The following ZNF714 variants were observed in gnomAD, a reference collection of about 807,000 sequenced individuals.
ZNF714 encodes the protein zinc finger protein 714.
Under a neutral mutation model 46.2 loss-of-function variants are expected in ZNF714, and 32 were observed. That is an observed-to-expected ratio of 0.69 (90% CI 0.52 to 0.93). The LOEUF is 0.93. ZNF714 is among the 40% of genes least tolerant of loss of function. The pLI, the probability that ZNF714 is intolerant of heterozygous loss-of-function variation, is 0.00. For synonymous variants in ZNF714, 199 were observed against 213.1 expected, an observed-to-expected ratio of 0.93 and a Z score of 0.58; for missense variants, 635 against 646.3, an observed-to-expected ratio of 0.98 and a Z score of 0.19.
At chr19:21,101,723 G>A (rs1027258511) in intron 4 of ZNF714, among the ~76,000 whole-genome samples, 3 of 152,152 alleles carry the variant, frequency 2.0e-5, no homozygotes, top group African/African-American at 7.2e-5. Flanking sequence ...CTTCCTCCAG[G>A]TCTCTGAAAG....
In ZNF714 at chr19:21,117,638, C is replaced by A; in HGVS notation, c.974C>A (p.Ser325Tyr). 2.5e-6 allele frequency: 4 copies of A among 1,613,204 alleles called. No individual in the cohort carries two copies. The highest frequency in any genetic ancestry group is 3.4e-6 in the Non-Finnish European group (4 of 1,179,660). Residue 325 changes from serine to tyrosine, a missense_variant, in exon 5 of 5, where the codon TCT becomes TAT. Coordinates refer to ENST00000456283, the MANE Select transcript of ZNF714 (RefSeq NM_182515.4). ...CAATGTGGCAAAGGCTTTAACTGGT[C>A]TTCAACCCTTACAAAACATAAAAGA... ...CEQCGKGFNW[S>Y]STLTKHKRIH...
chr19:21,102,644 T>C lies in ZNF714; in HGVS notation c.142+3734T>C, dbSNP rs571578408. Among the ~76,000 whole-genome samples the C allele has an allele frequency of 4.6e-5, 7 of 152,332 alleles. No homozygotes were observed. In the South Asian group the frequency reaches 1.4e-3, roughly 32 times the overall value. ...CATTAGTATGTTCTATTTATAATTA[T>C]ACTGCATATTCTGTGAAATTTTACT... On this transcript the variant is annotated intron_variant, in intron 4 of 4. Coordinates refer to ENST00000456283, the MANE Select transcript of ZNF714 (RefSeq NM_182515.4).
intron 4 of ZNF714, among the ~76,000 whole-genome samples, chr19:21,108,415 A>G (rs894431205): frequency 1.3e-5 from 2 of 152,148 alleles, no homozygotes; most frequent in Non-Finnish European, 2.9e-5. Flanking sequence ...GTAATCCTCA[A>G]TGTTAGATGT....
intron 4 of ZNF714, among the ~76,000 whole-genome samples, chr19:21,112,551 T>A (rs8112500): frequency 6.7e-6 from 1 of 148,996 alleles, no homozygotes; most frequent in Non-Finnish European, 1.5e-5. Flanking sequence ...TTTTTTTGAA[T>A]GGTTTTTTTG....
intron 4 of ZNF714, among the ~76,000 whole-genome samples, chr19:21,113,512 C>CTTTTTTTTTTTT (rs35197492): frequency 7.4e-6 from 1 of 135,714 alleles, no homozygotes. Context: ...CTTTTTTCTT[C>CTTTTTTTTTTTT]TTTTTTTTTT....
intron 4 of ZNF714, among the ~76,000 whole-genome samples, chr19:21,114,635 G>A (rs1032188151): frequency 1.3e-5 from 2 of 152,084 alleles, no homozygotes; most frequent in East Asian, 3.8e-4. Context: ...GAGGCATTCA[G>A]CCTATTACAT....
intron 2 of ZNF714, among the ~76,000 whole-genome samples, chr19:21,087,726 A>G (rs1912103751): frequency 6.6e-6 from 1 of 152,202 alleles, no homozygotes; most frequent in Non-Finnish European, 1.5e-5. Flanking sequence ...CTCTTTTGCA[A>G]TTAAATTTTA....
Position 21,083,952 on chromosome 19 carries a change from A to C in ZNF714, c.-176-26A>C, listed in dbSNP as rs558594805. 3.4e-4 allele frequency: 413 copies of C among 1,225,858 alleles called. 1 individual carries two copies. In the African/African-American group the frequency reaches 6.4e-3, roughly 19 times the overall value. 75.9% of individuals were successfully genotyped at this position (1,225,858 alleles called of 1,614,324 possible). ...TCAGCTAAAGTGCCTAGTGAATATC[A>C]GCTTCTGGTTTATTTTCTTCCATAG... On this transcript the variant is annotated intron_variant, in intron 1 of 4. Coordinates refer to ENST00000456283, the MANE Select transcript of ZNF714 (RefSeq NM_182515.4).
rs1969725086 is a variant in ZNF714 at position 21,122,738 on chromosome 19, C to T, written c.*4406C>T. 6.6e-6 allele frequency: 1 copy of T among 152,158 alleles called. No homozygotes were observed. The highest frequency in any genetic ancestry group is 6.5e-5 in the Admixed American group (1 of 15,282). 9.4% of individuals were successfully genotyped at this position (152,158 alleles called of 1,614,324 possible). On this transcript the variant is annotated 3_prime_UTR_variant, in exon 5 of 5. Coordinates refer to ENST00000456283, the MANE Select transcript of ZNF714 (RefSeq NM_182515.4). ...ATAGCTACAGTTTTCTGACTGTTCT[C>T]TTCACGCCATTTCATTTCGCCTGGT...
At chr19:21,103,282 G>A (rs746973692) in intron 4 of ZNF714, among the ~76,000 whole-genome samples, 15 of 152,080 alleles carry the variant, frequency 9.9e-5, no homozygotes, top group South Asian at 2.1e-4. Context: ...GGCCTGGCTC[G>A]GTGGCTCACG....
In ZNF714 at chr19:21,114,474, C is replaced by CTTTTTT. The variant is rs1040750636; in HGVS notation, c.143-2330_143-2325dup. 3.3e-5 allele frequency among the ~76,000 whole-genome samples: 5 copies of CTTTTTT among 150,550 alleles called. No homozygotes were observed. In the South Asian group the frequency reaches 1.1e-3, roughly 32 times the overall value. ...AAAGAAACTATGATTGCAACCCCTG[C>CTTTTTT]TTTTTTTTCTGCTTTTATTTGCTTT... On this transcript the variant is annotated intron_variant, in intron 4 of 4. Transcript: ENST00000456283.
At chr19:21,097,184 T>C (rs965827869) in intron 2 of ZNF714, among the ~76,000 whole-genome samples, 4 of 152,150 alleles carry the variant, frequency 2.6e-5, no homozygotes, top group African/African-American at 9.7e-5. Flanking sequence ...ATAGCATTTA[T>C]TACCCAGGAA....
intron 2 of ZNF714, among the ~76,000 whole-genome samples, chr19:21,093,879 C>G (rs1478955821): frequency 6.6e-6 from 1 of 152,228 alleles, no homozygotes; most frequent in African/African-American, 2.4e-5. Flanking sequence ...GGTAATCCAC[C>G]TGCCTCGGCC....
rs568092865 is a variant in ZNF714 at position 21,105,526 on chromosome 19, T to C, written c.142+6616T>C. Reference sequence around the variant, plus strand: ...AGTTAAATATTTCTGTTCTTTCCTTTGTTGCATATGCATTTAATGTCGTAT... The same window carrying C: ...AGTTAAATATTTCTGTTCTTTCCTTCGTTGCATATGCATTTAATGTCGTAT... On this transcript the variant is annotated intron_variant, in intron 4 of 4. Coordinates refer to ENST00000456283, the MANE Select transcript of ZNF714 (RefSeq NM_182515.4). Among the ~76,000 whole-genome samples the C allele has an allele frequency of 2.6e-5, 4 of 152,328 alleles. No individual in the cohort carries two copies. The South Asian group carries it at 8.3e-4, about 32-fold the overall frequency.
chr19:21,083,476 C>T (rs1968704822), intron 1 of ZNF714, among the ~76,000 whole-genome samples: 1 of 152,138 alleles, frequency 6.6e-6, no homozygotes, highest in South Asian at 2.1e-4. Flanking sequence ...TTAAATCTAA[C>T]CTCCCGTCCC....
At chr19:21,116,235 T>G (rs1034727317) in intron 4 of ZNF714, among the ~76,000 whole-genome samples, 2 of 152,176 alleles carry the variant, frequency 1.3e-5, no homozygotes, top group Non-Finnish European at 2.9e-5. Flanking sequence ...TTATTTCTGC[T>G]TCATCTTAAT....
At chr19:21,097,332 A>G (rs765145878) in intron 2 of ZNF714, among the ~76,000 whole-genome samples, 25 of 152,306 alleles carry the variant, frequency 1.6e-4, no homozygotes, top group South Asian at 8.3e-4. Context: ...TTATGGTTAA[A>G]TTCAGTCTAT....
chr19:21,090,958 C>G (rs1296617196), intron 2 of ZNF714: 2 of 137,118 alleles, frequency 1.5e-5, no homozygotes, highest in Non-Finnish European at 3.0e-5. Context: ...GATCTCAGCT[C>G]ACTGCAACCT....
intron 4 of ZNF714, among the ~76,000 whole-genome samples, chr19:21,101,819 G>A (rs770430095): frequency 2.0e-5 from 3 of 152,158 alleles, no homozygotes; most frequent in Non-Finnish European, 2.9e-5. Context: ...ACCAAGTTGC[G>A]TGGGCCATTT....
Sources: gnomAD v4.1 joint callset for allele counts (sites outside exome capture counted in the v4.1 genomes callset) on GRCh38, gnomAD v4.1.1 for gene constraint, MANE v1.5 for transcripts, NCBI Gene and HGNC (gene_info 2026-07-23, HGNC 2026-07-21) for gene names.